Variants in SYT9 observed in about 807,000 individuals in gnomAD.
The protein encoded by SYT9 is synaptotagmin 9.
SYT9 carries 22 observed loss-of-function variants against 48.4 expected under a neutral mutation model. That is an observed-to-expected ratio of 0.45 (90% CI 0.32 to 0.65). SYT9 has a LOEUF of 0.65. Ranked by LOEUF, SYT9 falls within the 30% of genes least tolerant of loss-of-function variation. SYT9 has a pLI of 0.03. For synonymous variants in SYT9, 265 were observed against 245.0 expected, an observed-to-expected ratio of 1.08 and a Z score of -0.76; for missense variants, 577 against 622.0, an observed-to-expected ratio of 0.93 and a Z score of 0.77.
At chr11:7,370,081 C>T (rs565143068) in intron 3 of SYT9, among the ~76,000 whole-genome samples, 14 of 152,118 alleles carry the variant, frequency 9.2e-5, no homozygotes, top group African/African-American at 3.4e-4. Flanking sequence ...CCCCAAAGTC[C>T]GTTGTATCAT....
At chr11:7,437,416 T>A (rs1272217094) in intron 6 of SYT9, among the ~76,000 whole-genome samples, 2 of 152,198 alleles carry the variant, frequency 1.3e-5, no homozygotes, top group African/African-American at 4.8e-5. Flanking sequence ...ATGCACTTTT[T>A]AATTTTTTTT....
At chr11:7,454,286 G>A in intron 6 of SYT9, 4 of 985,344 alleles carry the variant, frequency 4.1e-6, no homozygotes, top group South Asian at 4.7e-5. Flanking sequence ...CCTGAGGAAT[G>A]GTCTTTTTTG....
At chr11:7,453,311 C>G (rs565743670) in intron 6 of SYT9, among the ~76,000 whole-genome samples, 1 of 152,218 alleles carries the variant, frequency 6.6e-6, no homozygotes, top group East Asian at 2.0e-4. Context: ...TGGGAAGATA[C>G]TCCAAAGTGT....
At chr11:7,432,080 C>T (rs1469397728) in intron 6 of SYT9, among the ~76,000 whole-genome samples, 1 of 152,216 alleles carries the variant, frequency 6.6e-6, no homozygotes, top group Non-Finnish European at 1.5e-5. Context: ...TGACAGCTTG[C>T]ACCCTGTGCC....
At chr11:7,454,777 G>A (rs1298345720) in intron 6 of SYT9, among the ~76,000 whole-genome samples, 3 of 152,178 alleles carry the variant, frequency 2.0e-5, no homozygotes, top group East Asian at 3.9e-4. Context: ...CTTGCAGGTG[G>A]TTTCTTCACT....
chr11:7,343,875 TG>T (rs1849754584), intron 3 of SYT9, among the ~76,000 whole-genome samples: 1 of 152,176 alleles, frequency 6.6e-6, no homozygotes, highest in Admixed American at 6.5e-5. Context: ...ATGTCTTACA[TG>T]GTGGCAGGCA....
intron 1 of SYT9, among the ~76,000 whole-genome samples, chr11:7,279,125 G>T (rs1203599155): frequency 6.6e-6 from 1 of 152,190 alleles, no homozygotes; most frequent in Non-Finnish European, 1.5e-5. Context: ...GTTCTCAACA[G>T]TGGAGGGTAT....
intron 3 of SYT9, among the ~76,000 whole-genome samples, chr11:7,390,860 T>C (rs1425665879): frequency 6.6e-6 from 1 of 152,166 alleles, no homozygotes; most frequent in East Asian, 1.9e-4. Context: ...GGGGTACATG[T>C]GCAGGTTTGT....
At chr11:7,393,864 T>G (rs1846689205) in intron 3 of SYT9, among the ~76,000 whole-genome samples, 1 of 152,122 alleles carries the variant, frequency 6.6e-6, no homozygotes, top group Non-Finnish European at 1.5e-5. Flanking sequence ...CTCTAGATTA[T>G]CTAGTTTGTG....
chr11:7,390,271 G>A (rs1348048274), intron 3 of SYT9, among the ~76,000 whole-genome samples: 1 of 152,132 alleles, frequency 6.6e-6, no homozygotes, highest in Non-Finnish European at 1.5e-5. Context: ...GTGGTTTCCA[G>A]CTTCATCCAT....
intron 3 of SYT9, among the ~76,000 whole-genome samples, chr11:7,409,538 C>A (rs1411123742): frequency 6.6e-6 from 1 of 152,114 alleles, no homozygotes; most frequent in Non-Finnish European, 1.5e-5. Context: ...ATTACTGATT[C>A]AATCTTGCTA....
intron 3 of SYT9, among the ~76,000 whole-genome samples, chr11:7,370,134 G>C (rs1320132757): frequency 1.3e-5 from 2 of 152,066 alleles, no homozygotes. Flanking sequence ...CCACATATCA[G>C]TGAGAACATC....
chr11:7,455,801 G>A (rs1320341733), intron 6 of SYT9, among the ~76,000 whole-genome samples: 1 of 152,204 alleles, frequency 6.6e-6, no homozygotes, highest in Non-Finnish European at 1.5e-5. Flanking sequence ...TATCACAATA[G>A]GCTATGCATT....
chr11:7,288,289 T>TAA (rs9300083), intron 1 of SYT9, among the ~76,000 whole-genome samples: 71,758 of 148,718 alleles, frequency 0.48, 17,291 homozygotes, highest in Middle Eastern at 0.53. Context: ...TATGTATTTG[T>TAA]AAAAAAAAAA....
chr11:7,276,113 G>A (rs1203849372), intron 1 of SYT9, among the ~76,000 whole-genome samples: 1 of 152,082 alleles, frequency 6.6e-6, no homozygotes, highest in Non-Finnish European at 1.5e-5. Context: ...ATCTTCATGG[G>A]TGACACCAGT....
intron 1 of SYT9, among the ~76,000 whole-genome samples, chr11:7,263,249 C>T (rs1848112730): frequency 6.6e-6 from 1 of 151,938 alleles, no homozygotes; most frequent in Non-Finnish European, 1.5e-5. Flanking sequence ...AGTCCAAGAG[C>T]AAGGAGCTGG....
chr11:7,370,181 A>G (rs1850336965), intron 3 of SYT9, among the ~76,000 whole-genome samples: 1 of 152,212 alleles, frequency 6.6e-6, no homozygotes, highest in South Asian at 2.1e-4. Context: ...TACTTTACTT[A>G]GAATGATAGT....
chr11:7,458,154 T>C (rs1848179473), intron 6 of SYT9, among the ~76,000 whole-genome samples: 2 of 152,150 alleles, frequency 1.3e-5, no homozygotes, highest in African/African-American at 2.4e-5. Context: ...GAGACACAGA[T>C]GTATTATGTT....
chr11:7,396,479 G>A (rs530282033), intron 3 of SYT9, among the ~76,000 whole-genome samples: 190 of 152,226 alleles, frequency 1.2e-3, no homozygotes, highest in Non-Finnish European at 2.1e-3. Context: ...GCCATTGTAT[G>A]AATATACCAC....
Sources: gnomAD v4.1 joint callset for allele counts (sites outside exome capture counted in the v4.1 genomes callset) on GRCh38, gnomAD v4.1.1 for gene constraint, MANE v1.5 for transcripts, NCBI Gene and HGNC (gene_info 2026-07-23, HGNC 2026-07-21) for gene names.